KAT14: variants seen among roughly 807,000 people sequenced by gnomAD.
The protein encoded by KAT14 is lysine acetyltransferase 14.
KAT14 carries 66 observed loss-of-function variants against 78.4 expected under a neutral mutation model. The ratio of observed to expected loss-of-function variants is 0.84; its 90% CI spans 0.69 to 1.03. KAT14 has a LOEUF of 1.03. KAT14 is among the 50% of genes least tolerant of loss of function. The probability of loss-of-function intolerance (pLI) is 0.00; values close to 1 mark genes in which losing one functional copy is unlikely to be tolerated. For synonymous variants in KAT14, 344 were observed against 359.4 expected (o/e 0.96, Z 0.48); for missense variants, 870 against 972.5 (o/e 0.89, Z 1.40).
intron 4 of KAT14, among the ~76,000 whole-genome samples, chr20:18,151,669 A>G (rs1234045212): frequency 6.6e-6 from 1 of 151,830 alleles, no homozygotes; most frequent in East Asian, 1.9e-4. Context: ...AATTACGAAA[A>G]TTTTTGAATT....
chr20:18,186,291 CAAT>C (rs1313233503), intron 10 of KAT14, among the ~76,000 whole-genome samples: 6 of 152,184 alleles, frequency 3.9e-5, no homozygotes, highest in South Asian at 2.1e-4. Flanking sequence ...CGCTGGCACT[CAAT>C]GATGGCCACG....
chr20:18,177,017 A>T (rs2075816116), intron 7 of KAT14, among the ~76,000 whole-genome samples: 1 of 152,174 alleles, frequency 6.6e-6, no homozygotes, highest in South Asian at 2.1e-4. Context: ...TGAGGCATTA[A>T]CCAGATAATG....
intron 10 of KAT14, among the ~76,000 whole-genome samples, 177 bp downstream of exon 10, chr20:18,184,969 A>C (rs73261999): frequency 0.035 from 5,361 of 152,204 alleles, 300 homozygotes; most frequent in African/African-American, 0.12. Context: ...ACACAGTCAA[A>C]AATCTTCGAC....
chr20:18,147,150 C>A (rs1234594332), intron 3 of KAT14, among the ~76,000 whole-genome samples: 1 of 152,150 alleles, frequency 6.6e-6, no homozygotes, highest in African/African-American at 2.4e-5. Context: ...GCCTTAGCAG[C>A]CTTCGTCTAT....
At chr20:18,160,502 C>A (rs2038380251) in intron 5 of KAT14, among the ~76,000 whole-genome samples, 3 of 152,210 alleles carry the variant, frequency 2.0e-5, no homozygotes, top group Non-Finnish European at 4.4e-5. Flanking sequence ...TATTTCATTA[C>A]ATCCATTATA....
rs140391527 is a variant in KAT14, at chr20:18,139,914, A to G, written c.-454+1863A>G. 4.0e-3 allele frequency among the ~76,000 whole-genome samples: 604 copies of G among 152,328 alleles called. 2 individuals carry two copies. Among genetic ancestry groups the G allele is most frequent in the Middle Eastern group, 0.014 (4 of 294 alleles). On this transcript the variant is annotated intron_variant, in intron 1 of 10. Transcript: ENST00000688188. ...AACCTAGCAAAAATTAAGCAGTGCT[A>G]CATGAGGAGCCAGAGTTCTAGGTGT...
intron 7 of KAT14, among the ~76,000 whole-genome samples, chr20:18,173,749 G>T (rs558316444): frequency 6.6e-6 from 1 of 151,850 alleles, no homozygotes; most frequent in Non-Finnish European, 1.5e-5. Context: ...AATAAGAGAT[G>T]CTTCATAATT....
Position 18,162,483 on chromosome 20 carries a change from G to T in KAT14, c.1206G>T (p.Lys402Asn). The T allele has an allele frequency of 6.2e-7, 1 of 1,614,082 alleles. No individual in the cohort carries two copies. Among genetic ancestry groups the T allele is most frequent in the South Asian group, 1.1e-5 (1 of 91,084 alleles). The change falls in exon 7 of 11, where the codon AAG becomes AAT. Residue 402 changes from lysine to asparagine, a missense_variant. Coordinates refer to ENST00000688188, the MANE Select transcript of KAT14 (RefSeq NM_001392073.1). ...ASGPVVGVRK[K>N]VRGPEQIKQE... ...GGCCAGTGGTTGGGGTCAGAAAGAA[G>T]GTCAGAGGCCCTGAACAGATAAAGC...
chr20:18,138,230 C>G (rs2037373892), intron 1 of KAT14, 179 bp downstream of exon 1: 20 of 1,250,494 alleles, frequency 1.6e-5, no homozygotes, highest in Non-Finnish European at 1.9e-5. Flanking sequence ...GGGCTCCGGG[C>G]GCTGCAGCTC....
rs553848196 is a variant in KAT14, at chr20:18,161,296, C to T, written c.683-527C>T. Among the ~76,000 whole-genome samples the T allele has an allele frequency of 6.6e-5, 10 of 152,124 alleles. No homozygotes were observed. In the South Asian group the frequency reaches 2.1e-3, roughly 32 times the overall value. ...AGCCACCACCTCCCAGGCTCAAAAT[C>T]CACCCACCTCAGCCTCCCAAAGTTC... On this transcript the variant is annotated intron_variant, in intron 5 of 10. Transcript: ENST00000688188.
At chr20:18,143,218 A>G in intron 2 of KAT14, 1 of 1,084,602 alleles carries the variant, frequency 9.2e-7, no homozygotes, top group Non-Finnish European at 1.1e-6. Flanking sequence ...AAGGTCACAG[A>G]GATTTAGGGC....
chr20:18,162,937 C>A lies in KAT14; in HGVS notation c.1660C>A (p.Arg554=). The A allele has an allele frequency of 6.2e-7, 1 of 1,613,602 alleles. No homozygotes were observed. Among genetic ancestry groups the A allele is most frequent in the South Asian group, 1.1e-5 (1 of 90,982 alleles). Residue 554 remains arginine (R), a synonymous_variant, in exon 7 of 11, where the codon CGA becomes AGA. Transcript: ENST00000688188. ...CTGTCAGGACTTCAGAATCCTTGACCGATACCAGGTGAATGCAAGCACTTG... is the reference window on the plus strand; with the variant it reads ...CTGTCAGGACTTCAGAATCCTTGACAGATACCAGGTGAATGCAAGCACTTG... ...TTCQDFRILD[R]YQTSLPSRKG...
chr20:18,141,727 T>G (rs1479525333), intron 1 of KAT14, among the ~76,000 whole-genome samples: 1 of 151,994 alleles, frequency 6.6e-6, no homozygotes, highest in Non-Finnish European at 1.5e-5. Context: ...CTACTAAAAA[T>G]ACAAAAATTA....
chr20:18,147,662 G>A (rs2037875524), intron 3 of KAT14, among the ~76,000 whole-genome samples: 1 of 152,148 alleles, frequency 6.6e-6, no homozygotes, highest in African/African-American at 2.4e-5. Context: ...TCGGCTCACT[G>A]CAACCTCCGC....
At chr20:18,186,025 C>T (rs978840419) in intron 10 of KAT14, among the ~76,000 whole-genome samples, 2 of 152,138 alleles carry the variant, frequency 1.3e-5, no homozygotes, top group African/African-American at 4.8e-5. Context: ...TCTCAGTATG[C>T]GTCTTTTTAA....
intron 7 of KAT14, among the ~76,000 whole-genome samples, chr20:18,169,014 CT>C (rs1416590644): frequency 6.6e-6 from 1 of 151,712 alleles, no homozygotes; most frequent in Non-Finnish European, 1.5e-5. Flanking sequence ...TTTGTCTTTG[CT>C]TTTCAGTTTT....
intron 5 of KAT14, 69 bp from the exon 6 acceptor site, chr20:18,161,754 C>A: frequency 6.5e-7 from 1 of 1,534,602 alleles, no homozygotes; most frequent in Non-Finnish European, 8.7e-7. Flanking sequence ...CATCTGAAAT[C>A]CAAAACATGC....
chr20:18,186,036 C>T (rs1032124106), intron 10 of KAT14, among the ~76,000 whole-genome samples: 4 of 152,146 alleles, frequency 2.6e-5, no homozygotes, highest in Non-Finnish European at 5.9e-5. Flanking sequence ...GTCTTTTTAA[C>T]CTAGGAGAGC....
intron 4 of KAT14, among the ~76,000 whole-genome samples, chr20:18,158,398 A>C (rs12626093): frequency 0.089 from 13,493 of 152,258 alleles, 771 homozygotes; most frequent in East Asian, 0.25. Flanking sequence ...ACTGTCTTCT[A>C]GGATTTCCGG....
Sources: allele counts gnomAD v4.1 joint callset (sites outside exome capture counted in the v4.1 genomes callset), GRCh38; gene constraint gnomAD v4.1.1; transcripts MANE v1.5; gene names NCBI Gene and HGNC (gene_info 2026-07-23, HGNC 2026-07-21).